Variants in DHX36 observed in about 807,000 individuals in gnomAD.
DHX36 encodes the protein DEAH-box helicase 36.
Under a neutral mutation model 139.0 loss-of-function variants are expected in DHX36, and 50 were observed. That is an observed-to-expected ratio of 0.36 (90% CI 0.29 to 0.46). The LOEUF is 0.46. Ranked by LOEUF, DHX36 falls within the 20% of genes least tolerant of loss-of-function variation. The pLI is 1.00. For missense variants in DHX36, 1,024 were observed against 1,211.3 expected (o/e 0.85, Z 2.29); for synonymous variants, 425 against 401.9 (o/e 1.06, Z -0.69).
At position 154,275,855 on chromosome 3, in the gene DHX36, G is replaced by C. The variant is rs1719129872; in HGVS notation, c.*316C>G. The C allele has an allele frequency of 5.8e-6, 1 of 171,346 alleles. No homozygotes were observed. Among genetic ancestry groups the C allele is most frequent in the African/African-American group, 2.4e-5 (1 of 42,042 alleles). The allele number at this position is 171,346 out of a possible 1,614,324, so 10.6% of individuals were successfully genotyped here. ...CATTATGAGCAGAAAGATTAATTTT[G>C]TATAACAGAACAAAGGAATTTCTCA... On this transcript the variant is annotated 3_prime_UTR_variant, in exon 25 of 25. Transcript: ENST00000496811.
At chr3:154,286,165 C>A (rs1227326893) in intron 17 of DHX36, among the ~76,000 whole-genome samples, 3 of 15,020 alleles carry the variant, frequency 2.0e-4, no homozygotes, top group East Asian at 7.8e-4. Flanking sequence ...CTTCCACACA[C>A]CAAAAAAAAA....
intron 13 of DHX36, 65 bp from the exon 14 acceptor site, chr3:154,293,877 T>TCCTCTAATTACAA: frequency 3.4e-6 from 4 of 1,187,326 alleles, no homozygotes; most frequent in Non-Finnish European, 5.0e-6. Context: ...TATTTGTAAT[T>TCCTCTAATTACAA]AGAGGAATTA....
At position 154,276,215 on chromosome 3, in the gene DHX36, G is replaced by A; in HGVS notation, c.2983C>T (p.Pro995Ser). The change falls in exon 25 of 25, where the codon CCC becomes TCC. Residue 995 changes from proline (P) to serine (S), a missense_variant. Pro to Ser is a moderately conservative substitution (Grantham distance 74). Coordinates refer to ENST00000496811, the MANE Select transcript of DHX36 (RefSeq NM_020865.3). ...DLIKTQEKAT[P>S]RNFPPRFQDG... ...TGGAATCGTGGCGGAAAGTTCCTGG[G>A]AGTTGCCTTTTCCTGTGTTTTGATC... The A allele has an allele frequency of 1.2e-6, 2 of 1,613,226 alleles. No homozygotes were observed. Among genetic ancestry groups the A allele is most frequent in the Non-Finnish European group, 8.5e-7 (1 of 1,179,686 alleles).
At chr3:154,316,713 T>C (rs552214731) in intron 1 of DHX36, among the ~76,000 whole-genome samples, 2 of 147,746 alleles carry the variant, frequency 1.4e-5, no homozygotes, top group Admixed American at 1.4e-4. Context: ...AGAATGAGAA[T>C]AAAACACAAC....
chr3:154,294,288 AT>A (rs758010189), intron 13 of DHX36, among the ~76,000 whole-genome samples: 10 of 152,298 alleles, frequency 6.6e-5, no homozygotes, highest in South Asian at 2.1e-4. Flanking sequence ...AAAAAAAAAA[AT>A]CCTCTTTAAA....
intron 1 of DHX36, among the ~76,000 whole-genome samples, chr3:154,316,589 C>A (rs779770617): frequency 2.6e-5 from 4 of 151,964 alleles, no homozygotes; most frequent in Non-Finnish European, 5.9e-5. Flanking sequence ...TTTGAAAGTT[C>A]TTACACTAAA....
chr3:154,314,137 C>T (rs865902363), intron 3 of DHX36, among the ~76,000 whole-genome samples: 15 of 152,176 alleles, frequency 9.9e-5, no homozygotes, highest in Non-Finnish European at 2.9e-5. Flanking sequence ...CAGCTCTTCT[C>T]AACCAGAAGA....
intron 22 of DHX36, chr3:154,279,812 T>C (rs542463072): frequency 2.0e-5 from 3 of 152,342 alleles, no homozygotes; most frequent in Non-Finnish European, 4.4e-5. Context: ...CTTTACATGT[T>C]ACTACACAAT....
chr3:154,324,117 GGA>G (rs1413149756), intron 1 of DHX36, 55 bp downstream of exon 1: 12 of 1,512,844 alleles, frequency 7.9e-6, no homozygotes, highest in Admixed American at 6.0e-5. Flanking sequence ...GGGGGCAGCG[GGA>G]GAGAGAAGAA....
chr3:154,295,316 G>A lies in DHX36; in HGVS notation c.1573C>T (p.His525Tyr). Residue 525 changes from histidine to tyrosine, a missense_variant, in exon 13 of 25, where the codon CAT becomes TAT. His to Tyr is a moderately conservative substitution (Grantham distance 83). Coordinates refer to ENST00000496811, the MANE Select transcript of DHX36 (RefSeq NM_020865.3). The stretch of plus-strand genomic sequence containing the variant: ...TGGTTAACTGTAGGCATCAGTGAAT[G>A]TAAAGGTATAATTAAAAATTTATCT... ...KSDKFLIIPL[H>Y]SLMPTVNQTQ... The A allele has an allele frequency of 6.5e-7, 1 of 1,539,306 alleles. No homozygotes were observed. Among genetic ancestry groups the A allele is most frequent in the Non-Finnish European group, 8.8e-7 (1 of 1,133,574 alleles).
chr3:154,288,857 C>A lies in DHX36; in HGVS notation c.2031+9G>T. ...AGTTAGAATTAAAAAAACAAGAAAA[C>A]AAATTTACCAGCTCCATCAGGTGTC... On this transcript the variant is annotated intron_variant, in intron 17 of 24. Coordinates refer to ENST00000496811, the MANE Select transcript of DHX36 (RefSeq NM_020865.3). 1 of 1,503,630 alleles carries A rather than the reference C, an allele frequency of 6.7e-7. No homozygotes were observed. The highest frequency in any genetic ancestry group is 1.4e-5 in the African/African-American group (1 of 70,906). The allele number at this position is 1,503,630 out of a possible 1,614,324, so 93.1% of individuals were successfully genotyped here.
At position 154,292,612 on chromosome 3, in the gene DHX36, T is replaced by C; in HGVS notation, c.1753A>G (p.Thr585Ala). The C allele has an allele frequency of 1.2e-6, 2 of 1,614,102 alleles. No individual in the cohort carries two copies. The highest frequency in any genetic ancestry group is 1.1e-5 in the South Asian group (1 of 91,074). ...THFDTQNNIS[T>A]MSAEWVSKAN... ...TTACTAACCCACTCAGCGGACATTG[T>C]ACTGATATTGTTCTGAGTATCAAAA... The change falls in exon 15 of 25, where the codon ACA becomes GCA. Residue 585 changes from threonine to alanine, a missense_variant. Around this residue, in one of 4 missense-constraint regions of DHX36, gnomAD observed 470 missense variants for 616.2 expected, o/e 0.76. Transcript: ENST00000496811.
At chr3:154,305,948 A>C (rs1027495074) in intron 6 of DHX36, among the ~76,000 whole-genome samples, 1 of 152,154 alleles carries the variant, frequency 6.6e-6, no homozygotes, top group Non-Finnish European at 1.5e-5. Flanking sequence ...CAGAGAGAGT[A>C]ATGGTCTACT....
intron 12 of DHX36, among the ~76,000 whole-genome samples, chr3:154,297,535 AC>A (rs1208290035): frequency 6.6e-6 from 1 of 152,032 alleles, no homozygotes; most frequent in African/African-American, 2.4e-5. Flanking sequence ...AGATGGTGAA[AC>A]CCTGTCTCTA....
intron 19 of DHX36, among the ~76,000 whole-genome samples, chr3:154,284,261 C>T (rs2108335703): frequency 6.6e-6 from 1 of 152,276 alleles, no homozygotes; most frequent in Admixed American, 6.5e-5. Flanking sequence ...CTCACTGCAA[C>T]CACCGCGCCC....
At chr3:154,298,599 G>T (rs925158349) in intron 12 of DHX36, among the ~76,000 whole-genome samples, 2 of 152,152 alleles carry the variant, frequency 1.3e-5, no homozygotes, top group Non-Finnish European at 2.9e-5. Context: ...AATACAATTA[G>T]ATCAAAATAT....
chr3:154,312,898 TATAA>T (rs1712828712), intron 3 of DHX36, among the ~76,000 whole-genome samples: 3 of 71,074 alleles, frequency 4.2e-5, no homozygotes, highest in African/African-American at 5.7e-5. Flanking sequence ...TATATATATA[TATAA>T]AATAAATAAA....
intron 1 of DHX36, among the ~76,000 whole-genome samples, chr3:154,319,722 A>C (rs1175903390): frequency 6.6e-6 from 1 of 152,158 alleles, no homozygotes; most frequent in African/African-American, 2.4e-5. Context: ...GTGGTAGAGA[A>C]TCAAACCTTG....
In DHX36 at chr3:154,284,687, T is replaced by G; in HGVS notation, c.2206-18A>C. 6.2e-7 allele frequency: 1 copy of G among 1,602,656 alleles called. No individual in the cohort carries two copies. The highest frequency in any genetic ancestry group is 8.5e-7 in the Non-Finnish European group (1 of 1,174,046). ...TCTTTTCCCTTAAAAATAGCAGACATAGCCAATTTAAATTGCTCTGATGCT... is the reference window on the plus strand; with the variant it reads ...TCTTTTCCCTTAAAAATAGCAGACAGAGCCAATTTAAATTGCTCTGATGCT... On this transcript the variant is annotated intron_variant, in intron 18 of 24. Transcript: ENST00000496811.
Sources: gnomAD v4.1 joint callset for allele counts (sites outside exome capture counted in the v4.1 genomes callset) on GRCh38, gnomAD v4.1.1 for gene constraint, gnomAD v4.1.1 regional missense constraint, MANE v1.5 for transcripts, NCBI Gene and HGNC (gene_info 2026-07-23, HGNC 2026-07-21) for gene names.